The following TIAM1 variants were observed in gnomAD, a reference collection of about 807,000 sequenced individuals.
The protein encoded by TIAM1 is TIAM Rac1 associated GEF 1.
In TIAM1, 65 loss-of-function variants were observed where a neutral mutation model predicts 163.5. The observed-to-expected ratio is 0.40, with a 90% confidence interval of 0.33 to 0.49. The LOEUF (loss-of-function observed/expected upper bound fraction) is 0.49. TIAM1 is among the 20% of genes least tolerant of loss of function. The pLI is 0.77. For synonymous variants in TIAM1, 833 were observed against 810.1 expected (o/e 1.03, Z -0.48); for missense variants, 1,789 against 2,044.7 (o/e 0.87, Z 2.41).
intron 1 of TIAM1, among the ~76,000 whole-genome samples, chr21:31,518,380 C>G: frequency 6.6e-6 from 1 of 152,052 alleles, no homozygotes; most frequent in East Asian, 1.9e-4. Context: ...CTCCACCTCC[C>G]GGGTTCAAGT....
intron 12 of TIAM1, 72 bp from the exon 13 acceptor site, chr21:31,195,377 A>G (rs1215710047): frequency 5.3e-6 from 6 of 1,129,166 alleles, no homozygotes; most frequent in Admixed American, 2.1e-5. Context: ...ATCATTTCAT[A>G]AATCTATTTT....
At chr21:31,531,760 TAAA>T (rs60258369) in intron 1 of TIAM1, among the ~76,000 whole-genome samples, 8 of 144,152 alleles carry the variant, frequency 5.5e-5, no homozygotes, top group Admixed American at 2.1e-4. Context: ...ATACAGGAGT[TAAA>T]AAAAAAAAAA....
chr21:31,420,157 A>G (rs2043515790), intron 2 of TIAM1, among the ~76,000 whole-genome samples: 1 of 152,248 alleles, frequency 6.6e-6, no homozygotes, highest in African/African-American at 2.4e-5. Context: ...GGAGAACCTG[A>G]GCTACCTGAG....
intron 3 of TIAM1, among the ~76,000 whole-genome samples, chr21:31,268,892 C>A (rs1256895307): frequency 2.6e-5 from 4 of 151,916 alleles, no homozygotes; most frequent in Admixed American, 2.6e-4. Context: ...TATTAAGATA[C>A]CTGGATGTGC....
intron 1 of TIAM1, among the ~76,000 whole-genome samples, chr21:31,481,091 T>C (rs565489913): frequency 6.6e-6 from 1 of 152,170 alleles, no homozygotes; most frequent in Admixed American, 6.5e-5. Flanking sequence ...TAGAGGCTGG[T>C]AGTCCATGAT....
intron 4 of TIAM1, among the ~76,000 whole-genome samples, chr21:31,264,885 C>T (rs1227070305): frequency 6.6e-6 from 1 of 152,146 alleles, no homozygotes; most frequent in African/African-American, 2.4e-5. Flanking sequence ...GGAATTTTAA[C>T]CTGAAGCACC....
At chr21:31,460,178 C>T (rs2045270886) in intron 2 of TIAM1, among the ~76,000 whole-genome samples, 1 of 152,146 alleles carries the variant, frequency 6.6e-6, no homozygotes, top group Non-Finnish European at 1.5e-5. Flanking sequence ...AGGAGTTTGT[C>T]CTCTCCTCCC....
At chr21:31,178,078 C>A (rs2084849276) in intron 15 of TIAM1, among the ~76,000 whole-genome samples, 1 of 152,192 alleles carries the variant, frequency 6.6e-6, no homozygotes, top group South Asian at 2.1e-4. Flanking sequence ...ATTTTAACTG[C>A]AGTGGTCTGC....
intron 19 of TIAM1, among the ~76,000 whole-genome samples, chr21:31,148,956 C>CTTT (rs869158026): frequency 6.9e-5 from 2 of 28,844 alleles, no homozygotes; most frequent in African/African-American, 9.3e-5. Flanking sequence ...ACAAGTTTTT[C>CTTT]TTTTTCTTTT....
chr21:31,411,981 A>C (rs369615210), intron 2 of TIAM1, among the ~76,000 whole-genome samples: 1 of 151,046 alleles, frequency 6.6e-6, no homozygotes, highest in East Asian at 2.0e-4. Context: ...AGACACCTGC[A>C]TTTTATATTT....
At chr21:31,379,040 C>T (rs1261431761) in intron 2 of TIAM1, among the ~76,000 whole-genome samples, 2 of 152,206 alleles carry the variant, frequency 1.3e-5, no homozygotes, top group Non-Finnish European at 2.9e-5. Context: ...GGCGCAATCT[C>T]GGCTCACTGC....
intron 10 of TIAM1, among the ~76,000 whole-genome samples, chr21:31,210,631 A>AGGG (rs1569031853): frequency 0.014 from 331 of 23,344 alleles, 7 homozygotes; most frequent in Admixed American, 0.027. Flanking sequence ...GAAAGAAAGA[A>AGGG]AGAAAGAAAG....
At position 31,196,315 on chromosome 21, in the gene TIAM1, CTTTTTTT is replaced by C. The variant is rs1246136925; in HGVS notation, c.2494-1017_2494-1011del. 7.1e-5 allele frequency among the ~76,000 whole-genome samples: 10 copies of C among 140,540 alleles called. No individual in the cohort carries two copies. In the East Asian group the frequency reaches 1.3e-3, roughly 18 times the overall value. 92.2% of individuals were successfully genotyped at this position (140,540 alleles called of 152,430 possible). ...AGGGAATGCTTTTCTTTTCTTTTTT[CTTTTTTT>C]TTTTTTTCACACGGAGTGTTGCTCT... On this transcript the variant is annotated intron_variant, in intron 12 of 27. Transcript: ENST00000541036.
intron 2 of TIAM1, among the ~76,000 whole-genome samples, chr21:31,421,643 GA>G (rs2043577914): frequency 6.6e-6 from 1 of 152,150 alleles, no homozygotes; most frequent in Non-Finnish European, 1.5e-5. Flanking sequence ...TGTCTTCCAT[GA>G]AACTTGTCCC....
At chr21:31,452,892 G>A (rs746386059) in intron 2 of TIAM1, 4 of 516,454 alleles carry the variant, frequency 7.7e-6, no homozygotes, top group Non-Finnish European at 1.6e-5. Context: ...TTGGTATGAC[G>A]ATGTCCTGAA....
At chr21:31,459,494 G>C (rs1196121968) in intron 2 of TIAM1, among the ~76,000 whole-genome samples, 1 of 152,148 alleles carries the variant, frequency 6.6e-6, no homozygotes, top group African/African-American at 2.4e-5. Context: ...CATTGATAAA[G>C]ATATTCCAAA....
At chr21:31,352,401 T>C (rs146884339) in intron 2 of TIAM1, among the ~76,000 whole-genome samples, 25 of 152,242 alleles carry the variant, frequency 1.6e-4, no homozygotes, top group African/African-American at 5.1e-4. Flanking sequence ...TTGTACAACA[T>C]TGTGAATGTA....
intron 2 of TIAM1, among the ~76,000 whole-genome samples, chr21:31,301,656 A>G (rs2074505729): frequency 6.6e-6 from 1 of 152,140 alleles, no homozygotes; most frequent in African/African-American, 2.4e-5. Flanking sequence ...CCTGGCCAAC[A>G]TGGCGAAACC....
At chr21:31,334,908 C>G (rs2075790927) in intron 2 of TIAM1, among the ~76,000 whole-genome samples, 1 of 152,168 alleles carries the variant, frequency 6.6e-6, no homozygotes, top group Non-Finnish European at 1.5e-5. Flanking sequence ...AGCCTCTCCT[C>G]CCCACAGTGG....
Sources: allele counts gnomAD v4.1 joint callset (sites outside exome capture counted in the v4.1 genomes callset), GRCh38; gene constraint gnomAD v4.1.1; transcripts MANE v1.5; gene names NCBI Gene and HGNC (gene_info 2026-07-23, HGNC 2026-07-21).